Variants in PLA2G12A observed in about 807,000 individuals in gnomAD.
The protein encoded by PLA2G12A is phospholipase A2 group XIIA, also known as group XIIA secretory phospholipase A2.
PLA2G12A carries 11 observed loss-of-function variants against 16.0 expected under a neutral mutation model. The ratio of observed to expected loss-of-function variants is 0.69; its 90% CI spans 0.43 to 1.13. The LOEUF (loss-of-function observed/expected upper bound fraction) is 1.13. Among genes scored for constraint, PLA2G12A ranks in the 50% most tolerant of loss-of-function variants. PLA2G12A has a pLI of 0.00. For synonymous variants in PLA2G12A, 77 were observed against 93.8 expected (o/e 0.82, Z 1.03); for missense variants, 214 against 237.3 (o/e 0.90, Z 0.65).
At chr4:109,722,148 T>C (rs1234593789) in intron 1 of PLA2G12A, among the ~76,000 whole-genome samples, 1 of 152,228 alleles carries the variant, frequency 6.6e-6, no homozygotes, top group Non-Finnish European at 1.5e-5. Context: ...ATAAAGCCTA[T>C]GAAACCCTGT....
chr4:109,727,235 C>A (rs1277178382), intron 1 of PLA2G12A, among the ~76,000 whole-genome samples: 5 of 152,008 alleles, frequency 3.3e-5, no homozygotes. Context: ...CTCAGCCTCC[C>A]AAGTAGCTGG....
Position 109,714,477 on chromosome 4 carries a change from T to A in PLA2G12A, c.470A>T (p.Glu157Val). 3.1e-6 allele frequency: 5 copies of A among 1,612,922 alleles called. No homozygotes were observed. Among genetic ancestry groups the A allele is most frequent in the Non-Finnish European group, 3.4e-6 (4 of 1,178,988 alleles). ...ATGTATAACACTGTCAAACAAGAGCTCCACTGTTGTTTCACATGCTGCAAA... is the reference window on the plus strand; with the variant it reads ...ATGTATAACACTGTCAAACAAGAGCACCACTGTTGTTTCACATGCTGCAAA... ...QHVQACETTV[E>V]LLFDSVIHLG... is the part of the protein sequence containing the mutation. Residue 157 changes from glutamate to valine, a missense_variant, in exon 4 of 4, where the codon GAG becomes GTG. Physicochemically the swap from Glu to Val is moderately radical, Grantham distance 121 (BLOSUM62 -2). Coordinates refer to ENST00000243501, the MANE Select transcript of PLA2G12A (RefSeq NM_030821.5).
Position 109,714,162 on chromosome 4 carries a change from G to A in PLA2G12A, c.*215C>T. Reference sequence around the variant, plus strand: ...TTGGCATACTAAGTAAGGGAGCAATGCTGGGGAAGATACCTGAGAAGACAA... The same window carrying A: ...TTGGCATACTAAGTAAGGGAGCAATACTGGGGAAGATACCTGAGAAGACAA... On this transcript the variant is annotated 3_prime_UTR_variant, in exon 4 of 4. Coordinates refer to ENST00000243501, the MANE Select transcript of PLA2G12A (RefSeq NM_030821.5). 1 of 545,220 alleles carries A rather than the reference G, an allele frequency of 1.8e-6. No individual in the cohort carries two copies. The highest frequency in any genetic ancestry group is 1.9e-5 in the African/African-American group (1 of 53,180). 33.8% of individuals were successfully genotyped at this position (545,220 alleles called of 1,614,324 possible).
chr4:109,716,726 A>T (rs941891939), intron 3 of PLA2G12A, among the ~76,000 whole-genome samples: 3 of 152,162 alleles, frequency 2.0e-5, no homozygotes, highest in Non-Finnish European at 4.4e-5. Flanking sequence ...GGCAGTGAGT[A>T]CAACTATATG....
chr4:109,714,662 T>C lies in PLA2G12A; in HGVS notation c.452-167A>G, dbSNP rs142101956. On this transcript the variant is annotated intron_variant, in intron 3 of 3. Coordinates refer to ENST00000243501, the MANE Select transcript of PLA2G12A (RefSeq NM_030821.5). Reference sequence around the variant, plus strand: ...TGTAGCATATTTACATACACACATATATATCTACAGATTTCCAGTTTTAGT... The same window carrying C: ...TGTAGCATATTTACATACACACATACATATCTACAGATTTCCAGTTTTAGT... Among the ~76,000 whole-genome samples, 197 of 152,244 alleles carry C rather than the reference T, an allele frequency of 1.3e-3. 2 individuals carry two copies. The highest frequency in any genetic ancestry group is 0.01 in the Admixed American group (154 of 15,296).
At chr4:109,721,311 C>A (rs1299606496) in intron 1 of PLA2G12A, among the ~76,000 whole-genome samples, 3 of 150,752 alleles carry the variant, frequency 2.0e-5, no homozygotes, top group Non-Finnish European at 4.4e-5. Flanking sequence ...TACTTTTAGT[C>A]CTTCATTCTT....
chr4:109,714,531 C>T (rs550938407), intron 3 of PLA2G12A, 36 bp from the exon 4 acceptor site: 2 of 1,343,772 alleles, frequency 1.5e-6, no homozygotes, highest in Non-Finnish European at 2.1e-6. Flanking sequence ...TGTTGGGCAA[C>T]TGCATTGCTC....
At chr4:109,714,819 C>T (rs1214899350) in intron 3 of PLA2G12A, among the ~76,000 whole-genome samples, 1 of 151,012 alleles carries the variant, frequency 6.6e-6, no homozygotes, top group East Asian at 1.9e-4. Context: ...ACTGCAGTCT[C>T]CACATCCTGG....
chr4:109,715,139 C>A (rs1730805363), intron 3 of PLA2G12A, among the ~76,000 whole-genome samples: 1 of 152,048 alleles, frequency 6.6e-6, no homozygotes, highest in Admixed American at 6.5e-5. Flanking sequence ...AAATAAAAGT[C>A]TTTTAAAATA....
intron 3 of PLA2G12A, among the ~76,000 whole-genome samples, chr4:109,717,075 C>T (rs774120099): frequency 2.6e-5 from 4 of 152,168 alleles, no homozygotes; most frequent in East Asian, 1.9e-4. Flanking sequence ...GCATCTGCTA[C>T]GAACTAGAAA....
At chr4:109,720,575 A>C (rs1286273129) in intron 1 of PLA2G12A, among the ~76,000 whole-genome samples, 2 of 39,780 alleles carry the variant, frequency 5.0e-5, no homozygotes, top group East Asian at 8.8e-4. Context: ...GTCTGTATTC[A>C]AAAAAAAAAA....
At position 109,729,670 on chromosome 4, in the gene PLA2G12A, G is replaced by A. The variant is rs754638399; in HGVS notation, c.140C>T (p.Thr47Met). Residue 47 changes from threonine to methionine, a missense_variant, in exon 1 of 4, where the codon ACG becomes ATG. Coordinates refer to ENST00000243501, the MANE Select transcript of PLA2G12A (RefSeq NM_030821.5). Reference protein sequence around the residue: ...TIRNGVHKIDTYLNAALDLLG... With the variant: ...TIRNGVHKIDMYLNAALDLLG... The stretch of plus-strand genomic sequence containing the variant: ...GAGGTCCAAGGCGGCGTTCAGGTAC[G>A]TGTCTATCTTATGAACGCCGTTCCG... The A allele has an allele frequency of 6.2e-6, 10 of 1,611,902 alleles. No homozygotes were observed. The highest frequency in any genetic ancestry group is 5.0e-5 in the Admixed American group (3 of 59,998).
At position 109,730,051 on chromosome 4, in the gene PLA2G12A, C is replaced by T; in HGVS notation, c.-242G>A. 2.3e-6 allele frequency: 1 copy of T among 435,908 alleles called. No individual in the cohort carries two copies. The highest frequency in any genetic ancestry group is 3.6e-5 in the South Asian group (1 of 27,516). 27.0% of individuals were successfully genotyped at this position (435,908 alleles called of 1,614,324 possible). A position where few individuals can be genotyped will look rare whatever the true frequency, so the allele number is the denominator to read the frequency against. The stretch of plus-strand genomic sequence containing the variant: ...GGACCAGCGCGCCCGCTCACCTGGG[C>T]CAGCAACCGTCCCCTGTGCGCCTGC... On this transcript the variant is annotated 5_prime_UTR_variant, in exon 1 of 4. Transcript: ENST00000243501.
intron 3 of PLA2G12A, among the ~76,000 whole-genome samples, chr4:109,716,624 G>A (rs1324838762): frequency 6.6e-6 from 1 of 152,240 alleles, no homozygotes; most frequent in African/African-American, 2.4e-5. Flanking sequence ...ACAACTCTGT[G>A]AGGTGAGTAT....
At chr4:109,728,266 T>A (rs1027001529) in intron 1 of PLA2G12A, among the ~76,000 whole-genome samples, 1 of 152,194 alleles carries the variant, frequency 6.6e-6, no homozygotes, top group Non-Finnish European at 1.5e-5. Context: ...CATCTCTCCC[T>A]CACCAGAACT....
chr4:109,724,370 C>T (rs1220921573), intron 1 of PLA2G12A, among the ~76,000 whole-genome samples: 1 of 152,128 alleles, frequency 6.6e-6, no homozygotes, highest in Non-Finnish European at 1.5e-5. Context: ...GATCCGCCTG[C>T]CTCAGTCTCC....
rs529887233 is a variant in PLA2G12A at position 109,712,140 on chromosome 4, A to G, written c.*2237T>C. On this transcript the variant is annotated 3_prime_UTR_variant, in exon 4 of 4. Coordinates refer to ENST00000243501, the MANE Select transcript of PLA2G12A (RefSeq NM_030821.5). ...AAATGACATTAATTAAAAAACTAGT[A>G]CAATCTGAAAAATAAAGTCAAAGTT... 1.3e-5 allele frequency: 2 copies of G among 152,332 alleles called. No individual in the cohort carries two copies. Among genetic ancestry groups the G allele is most frequent in the South Asian group, 4.1e-4 (2 of 4,828 alleles). 9.4% of individuals were successfully genotyped at this position (152,332 alleles called of 1,614,324 possible).
Position 109,712,310 on chromosome 4 carries a change from A to G in PLA2G12A, c.*2067T>C, listed in dbSNP as rs1281049055. 2 of 152,074 alleles carry G rather than the reference A, an allele frequency of 1.3e-5. No individual in the cohort carries two copies. Among genetic ancestry groups the G allele is most frequent in the African/African-American group, 4.8e-5 (2 of 41,396 alleles). The allele number at this position is 152,074 out of a possible 1,614,324, so 9.4% of individuals were successfully genotyped here. A position where few individuals can be genotyped will look rare whatever the true frequency, so the allele number is the denominator to read the frequency against. The stretch of plus-strand genomic sequence containing the variant: ...GCAACTTTTCTGTAAATCTAAAATT[A>G]TCCCAAGTTTTTTTTTTTAATCTGA... On this transcript the variant is annotated 3_prime_UTR_variant, in exon 4 of 4. Transcript: ENST00000243501.
chr4:109,720,593 AAAAAAAAAAAAATATATATATATATAT>A (rs1229850936), intron 1 of PLA2G12A, among the ~76,000 whole-genome samples: 6 of 30,166 alleles, frequency 2.0e-4, no homozygotes, highest in South Asian at 1.3e-3. Flanking sequence ...AAAAAAAAAA[AAAAAAAAAAAAATATATATATATATAT>A]ATATATATAT....
Sources: gnomAD v4.1 joint callset for allele counts (sites outside exome capture counted in the v4.1 genomes callset) on GRCh38, gnomAD v4.1.1 for gene constraint, MANE v1.5 for transcripts, NCBI Gene and HGNC (gene_info 2026-07-23, HGNC 2026-07-21) for gene names.